CFTR: variants seen among roughly 807,000 people sequenced by gnomAD.
The protein encoded by CFTR is cystic fibrosis transmembrane conductance regulator.
A neutral mutation model predicts 171.6 loss-of-function variants in CFTR; 181 were observed. The observed-to-expected ratio is 1.05, with a 90% CI of 0.93 to 1.19. The LOEUF is 1.19. CFTR is among the 50% of genes most tolerant of loss of function. The pLI is 0.00. For synonymous variants in CFTR, 583 were observed against 608.0 expected, an observed-to-expected ratio of 0.96 and a Z score of 0.60; for missense variants, 1,968 against 1,734.7, an observed-to-expected ratio of 1.13 and a Z score of -2.39.
In CFTR at chr7:117,592,446, C is replaced by G. The variant is rs397508359; in HGVS notation, c.2279C>G (p.Thr760Arg). The G allele has an allele frequency of 1.9e-6, 3 of 1,597,602 alleles. No individual in the cohort carries two copies. In the East Asian group the frequency reaches 6.7e-5, roughly 36 times the overall value. ...PRISVISTGP[T>R]LQARRRQSVL... Reference sequence around the variant, plus strand: ...ATCAGCGTGATCAGCACTGGCCCCACGCTTCAGGCACGAAGGAGGCAGTCT... The same window carrying G: ...ATCAGCGTGATCAGCACTGGCCCCAGGCTTCAGGCACGAAGGAGGCAGTCT... The change falls in exon 14 of 27, where the codon ACG (threonine) becomes AGG (arginine). Residue 760 changes from threonine (T) to arginine (R), a missense_variant. Thr to Arg is a moderately conservative substitution (Grantham distance 71). Coordinates refer to ENST00000003084, the MANE Select transcript of CFTR (RefSeq NM_000492.4).
intron 3 of CFTR, among the ~76,000 whole-genome samples, chr7:117,517,944 G>C (rs1798620086): frequency 6.6e-6 from 1 of 152,096 alleles, no homozygotes; most frequent in African/African-American, 2.4e-5. Flanking sequence ...GTAGATTTTG[G>C]ATATTAGCCC....
At chr7:117,497,044 G>T (rs907186594) in intron 1 of CFTR, among the ~76,000 whole-genome samples, 2 of 151,736 alleles carry the variant, frequency 1.3e-5, no homozygotes, top group Non-Finnish European at 2.9e-5. Context: ...TTGTGCTTCT[G>T]GTGTTGTATC....
chr7:117,587,247 AC>A (rs1449881675), intron 11 of CFTR, among the ~76,000 whole-genome samples: 2 of 152,100 alleles, frequency 1.3e-5, no homozygotes, highest in Non-Finnish European at 2.9e-5. Context: ...ATTGCCTTGG[AC>A]CCATGGAAGC....
At chr7:117,598,571 C>T (rs946006987) in intron 15 of CFTR, among the ~76,000 whole-genome samples, 3 of 152,200 alleles carry the variant, frequency 2.0e-5, no homozygotes, top group Admixed American at 6.5e-5. Context: ...AATATCTAAA[C>T]GTATGTACCA....
intron 1 of CFTR, among the ~76,000 whole-genome samples, chr7:117,495,125 A>T (rs1283607876): frequency 1.3e-5 from 2 of 152,170 alleles, no homozygotes; most frequent in Non-Finnish European, 2.9e-5. Flanking sequence ...ATTAGAGAGC[A>T]ATGGCATCCC....
chr7:117,559,694 A>G (rs1381866695), intron 11 of CFTR, 39 bp downstream of exon 11: 1 of 1,364,316 alleles, frequency 7.3e-7, no homozygotes, highest in East Asian at 2.3e-5. Context: ...TATGCATATG[A>G]ACCCTTCACA....
intron 3 of CFTR, among the ~76,000 whole-genome samples, chr7:117,516,191 A>G (rs571891147): frequency 1.3e-5 from 2 of 152,318 alleles, no homozygotes; most frequent in East Asian, 3.9e-4. Context: ...AAAGTAAAAT[A>G]TATATGATGC....
At chr7:117,563,617 T>C (rs1489069719) in intron 11 of CFTR, among the ~76,000 whole-genome samples, 6 of 152,064 alleles carry the variant, frequency 3.9e-5, no homozygotes, top group Non-Finnish European at 8.8e-5. Flanking sequence ...GAAGGAAGAA[T>C]GCAGAGGTGG....
intron 1 of CFTR, among the ~76,000 whole-genome samples, chr7:117,501,252 C>A (rs183665172): frequency 2.3e-4 from 35 of 152,130 alleles, no homozygotes; most frequent in Middle Eastern, 3.4e-3. Context: ...TCTTTCCATC[C>A]ACACACAGTG....
chr7:117,648,898 A>T (rs930279301), intron 23 of CFTR, among the ~76,000 whole-genome samples: 16 of 150,368 alleles, frequency 1.1e-4, no homozygotes, highest in Non-Finnish European at 2.4e-4. Context: ...GTTCAGTTAA[A>T]TTTTTTTTTT....
chr7:117,652,971 C>A, intron 24 of CFTR, 40 bp downstream of exon 24: 1 of 1,157,158 alleles, frequency 8.6e-7, no homozygotes, highest in South Asian at 1.2e-5. Flanking sequence ...AGGGGTAACT[C>A]ATACCAACAC....
At chr7:117,542,282 C>A (rs1010800277) in intron 9 of CFTR, among the ~76,000 whole-genome samples, 174 bp downstream of exon 9, 7 of 152,184 alleles carry the variant, frequency 4.6e-5, no homozygotes, top group African/African-American at 1.7e-4. Flanking sequence ...GCCAGGTGCT[C>A]ATGGTTGTAA....
chr7:117,653,403 TG>T (rs1470706390), intron 24 of CFTR, among the ~76,000 whole-genome samples: 3 of 152,190 alleles, frequency 2.0e-5, no homozygotes, highest in African/African-American at 7.2e-5. Flanking sequence ...CCAGCAGGTT[TG>T]CTGTCTCGTG....
At chr7:117,507,611 C>G (rs183726240) in intron 2 of CFTR, among the ~76,000 whole-genome samples, 193 of 152,136 alleles carry the variant, frequency 1.3e-3, no homozygotes, top group Admixed American at 1.6e-3. Flanking sequence ...GAGGTTAGCT[C>G]TGTGTGTGAG....
At chr7:117,588,349 G>A (rs190306104) in intron 12 of CFTR, among the ~76,000 whole-genome samples, 1 of 152,044 alleles carries the variant, frequency 6.6e-6, no homozygotes, top group African/African-American at 2.4e-5. Flanking sequence ...GGGGGAGGAG[G>A]TCCCTTAGTA....
At chr7:117,490,473 A>T (rs1279391270) in intron 1 of CFTR, among the ~76,000 whole-genome samples, 2 of 151,980 alleles carry the variant, frequency 1.3e-5, no homozygotes, top group African/African-American at 4.8e-5. Flanking sequence ...GTCTGAAGGC[A>T]GTCTGTTGGG....
chr7:117,591,308 A>T (rs1207526810), intron 13 of CFTR, among the ~76,000 whole-genome samples: 1 of 152,106 alleles, frequency 6.6e-6, no homozygotes, highest in Non-Finnish European at 1.5e-5. Context: ...ATGATATATG[A>T]CATTTTAATG....
intron 11 of CFTR, among the ~76,000 whole-genome samples, chr7:117,584,464 CA>C (rs1409350240): frequency 6.6e-6 from 1 of 152,038 alleles, no homozygotes; most frequent in African/African-American, 2.4e-5. Context: ...TATGCTTTGT[CA>C]AAGATCAGTT....
chr7:117,647,098 T>C (rs908115700), intron 23 of CFTR, among the ~76,000 whole-genome samples: 1 of 152,174 alleles, frequency 6.6e-6, no homozygotes, highest in African/African-American at 2.4e-5. Context: ...TTATAGCTAC[T>C]TTGTTCTAAC....
Sources: gnomAD v4.1 joint callset for allele counts (sites outside exome capture counted in the v4.1 genomes callset) on GRCh38, gnomAD v4.1.1 for gene constraint, MANE v1.5 for transcripts, NCBI Gene and HGNC (gene_info 2026-07-23, HGNC 2026-07-21) for gene names.